Variants in LYPD6B observed in about 807,000 individuals in gnomAD.
LYPD6B encodes ly6/PLAUR domain-containing protein 6B.
A neutral mutation model predicts 22.8 loss-of-function variants in LYPD6B; 17 were observed. That is an observed-to-expected ratio of 0.75 (90% CI 0.51 to 1.12). The LOEUF (loss-of-function observed/expected upper bound fraction) is 1.12, where lower values mean the gene tolerates loss of function less well. Ranked by LOEUF, LYPD6B falls within the 50% of genes most tolerant of loss-of-function variation. LYPD6B has a pLI of 0.00. For synonymous variants in LYPD6B, 106 were observed against 91.6 expected (o/e 1.16, Z -0.90); for missense variants, 221 against 258.3 (o/e 0.86, Z 0.99).
intron 3 of LYPD6B, among the ~76,000 whole-genome samples, chr2:149,192,754 C>T (rs1055540644): frequency 1.3e-5 from 2 of 152,038 alleles, no homozygotes; most frequent in Non-Finnish European, 2.9e-5. Flanking sequence ...CCTCTTAGCC[C>T]TCAAGTTGGA....
chr2:149,066,016 T>A (rs1157530010), intron 1 of LYPD6B, among the ~76,000 whole-genome samples: 1 of 152,120 alleles, frequency 6.6e-6, no homozygotes. Context: ...TCGGCCCTAA[T>A]AAAATTTTAT....
intron 1 of LYPD6B, among the ~76,000 whole-genome samples, chr2:149,114,860 T>A (rs148112242): frequency 6.6e-6 from 1 of 152,346 alleles, no homozygotes; most frequent in African/African-American, 2.4e-5. Context: ...GATCCTCATT[T>A]TCCCCCTAGT....
chr2:149,071,482 T>A (rs1267626559), intron 1 of LYPD6B, among the ~76,000 whole-genome samples: 1 of 152,192 alleles, frequency 6.6e-6, no homozygotes, highest in African/African-American at 2.4e-5. Context: ...CTGGATTAAG[T>A]ACTCTGGGAA....
At chr2:149,100,625 A>G (rs1013032229) in intron 1 of LYPD6B, among the ~76,000 whole-genome samples, 6 of 152,200 alleles carry the variant, frequency 3.9e-5, no homozygotes, top group East Asian at 3.9e-4. Context: ...TAACTAGTCA[A>G]TGCTCCTGTG....
chr2:149,103,990 C>T (rs1165494057), intron 1 of LYPD6B, among the ~76,000 whole-genome samples: 1 of 151,866 alleles, frequency 6.6e-6, no homozygotes, highest in Admixed American at 6.6e-5. Context: ...GTTGGTCAGG[C>T]TGGTCTCAAA....
intron 3 of LYPD6B, among the ~76,000 whole-genome samples, chr2:149,176,132 A>G (rs1407407140): frequency 3.3e-5 from 5 of 152,200 alleles, no homozygotes; most frequent in Non-Finnish European, 7.3e-5. Flanking sequence ...CATCACCACA[A>G]ACATGTTAGC....
intron 1 of LYPD6B, among the ~76,000 whole-genome samples, chr2:149,092,200 A>G (rs536739001): frequency 3.9e-5 from 6 of 152,066 alleles, no homozygotes; most frequent in South Asian, 2.1e-4. Context: ...TGGGGGGGGA[A>G]TTTTAGATGT....
At chr2:149,193,164 C>A (rs190046325) in intron 3 of LYPD6B, among the ~76,000 whole-genome samples, 13 of 152,070 alleles carry the variant, frequency 8.5e-5, no homozygotes, top group Non-Finnish European at 1.8e-4. Context: ...CAGATGGTCA[C>A]CTCACCAAGT....
At chr2:149,195,211 T>C (rs561508163) in intron 3 of LYPD6B, among the ~76,000 whole-genome samples, 22 of 152,342 alleles carry the variant, frequency 1.4e-4, no homozygotes, top group African/African-American at 5.3e-4. Context: ...CTGGGCCTTC[T>C]CTGCCCAACC....
intron 1 of LYPD6B, among the ~76,000 whole-genome samples, chr2:149,060,226 C>T (rs1427871588): frequency 1.3e-5 from 2 of 152,140 alleles, no homozygotes; most frequent in East Asian, 3.9e-4. Flanking sequence ...GCAACAGCTC[C>T]AGGTCCAGGT....
At chr2:149,204,452 T>C (rs1477941584) in intron 3 of LYPD6B, 1 of 154,436 alleles carries the variant, frequency 6.5e-6, no homozygotes, top group Non-Finnish European at 1.5e-5. Context: ...TAAGATGTCA[T>C]ATCTTTTACT....
At chr2:149,103,676 A>C (rs1686323422) in intron 1 of LYPD6B, among the ~76,000 whole-genome samples, 1 of 151,540 alleles carries the variant, frequency 6.6e-6, no homozygotes, top group Non-Finnish European at 1.5e-5. Flanking sequence ...CCTGTTGCCC[A>C]GGCAGGGAAG....
chr2:149,168,633 T>C (rs1038667603), intron 3 of LYPD6B, among the ~76,000 whole-genome samples: 27 of 152,236 alleles, frequency 1.8e-4, no homozygotes, highest in Admixed American at 1.6e-3. Context: ...GCCTGTTCTC[T>C]GAATGTAGGT....
chr2:149,197,665 C>T (rs905151970), intron 3 of LYPD6B, among the ~76,000 whole-genome samples: 3 of 152,148 alleles, frequency 2.0e-5, no homozygotes, highest in African/African-American at 4.8e-5. Context: ...TATCTTTTCT[C>T]AAATAATGAG....
rs1457837470 is a variant in LYPD6B, at chr2:149,215,041, G to A, written c.*331G>A. On this transcript the variant is annotated 3_prime_UTR_variant, in exon 7 of 7. Transcript: ENST00000409642. ...GCTGAAAGGATTTCTTGACCTCCTT[G>A]ACTGCCTCAGAGGCTGCCAGGTCAA... 7.1e-6 allele frequency: 2 copies of A among 283,194 alleles called. No individual in the cohort carries two copies. Among genetic ancestry groups the A allele is most frequent in the Non-Finnish European group, 1.3e-5 (2 of 148,212 alleles). 17.5% of individuals were successfully genotyped at this position (283,194 alleles called of 1,614,324 possible).
intron 1 of LYPD6B, among the ~76,000 whole-genome samples, chr2:149,084,613 G>T (rs2105411714): frequency 6.6e-6 from 1 of 152,290 alleles, no homozygotes; most frequent in East Asian, 1.9e-4. Context: ...TGCCAGGTAG[G>T]CTTGTTGCTA....
intron 3 of LYPD6B, among the ~76,000 whole-genome samples, chr2:149,170,212 C>G (rs1690726092): frequency 6.6e-6 from 1 of 152,170 alleles, no homozygotes; most frequent in African/African-American, 2.4e-5. Context: ...TTGCCTGTAC[C>G]TCTTGCTTGT....
chr2:149,134,236 C>T (rs192232731), intron 2 of LYPD6B, among the ~76,000 whole-genome samples: 150 of 152,286 alleles, frequency 9.8e-4, no homozygotes, highest in African/African-American at 3.5e-3. Context: ...TCTGCAGTCA[C>T]ATCTTACTAC....
At chr2:149,151,023 T>G (rs1689336968) in intron 2 of LYPD6B, among the ~76,000 whole-genome samples, 1 of 152,194 alleles carries the variant, frequency 6.6e-6, no homozygotes, top group African/African-American at 2.4e-5. Context: ...CATTTTTATC[T>G]TTTGAGAAAA....
Sources: gnomAD v4.1 joint callset for allele counts (sites outside exome capture counted in the v4.1 genomes callset) on GRCh38, gnomAD v4.1.1 for gene constraint, MANE v1.5 for transcripts, NCBI Gene and HGNC (gene_info 2026-07-23, HGNC 2026-07-21) for gene names.